Variants in CNOT2 observed in about 807,000 individuals in gnomAD.
CNOT2 encodes CCR4-NOT transcription complex subunit 2, also known as CC chemokine receptor 4-negative regulator of transcription 2.
In CNOT2, 7 loss-of-function variants were observed where a neutral mutation model predicts 72.1. The observed-to-expected ratio is 0.10, with a 90% CI of 0.06 to 0.18. CNOT2 has a LOEUF of 0.18. Among genes scored for constraint, CNOT2 ranks in the 10% least tolerant of loss-of-function variants. The pLI is 1.00. For synonymous variants in CNOT2, 196 were observed against 225.6 expected, an observed-to-expected ratio of 0.87 and a Z score of 1.17; for missense variants, 345 against 660.3, an observed-to-expected ratio of 0.52 and a Z score of 5.23.
At chr12:70,321,432 G>A (rs2135992238) in intron 4 of CNOT2, 1 of 152,000 alleles carries the variant, frequency 6.6e-6, no homozygotes, top group East Asian at 1.9e-4. Context: ...AAGCTACCAT[G>A]TGGGTCTTGA....
intron 2 of CNOT2, among the ~76,000 whole-genome samples, chr12:70,301,127 T>C (rs1348110849): frequency 6.6e-6 from 1 of 152,178 alleles, no homozygotes; most frequent in Admixed American, 6.5e-5. Context: ...TGGGCTGAGA[T>C]GCTGGAGTTT....
At chr12:70,262,488 G>A (rs895765965) in intron 1 of CNOT2, among the ~76,000 whole-genome samples, 3 of 152,092 alleles carry the variant, frequency 2.0e-5, no homozygotes, top group African/African-American at 4.8e-5. Context: ...TGTTAGCCAC[G>A]ATGGTCTCGA....
intron 1 of CNOT2, among the ~76,000 whole-genome samples, chr12:70,265,323 CTCTTT>C (rs1351844157): frequency 5.5e-5 from 8 of 145,102 alleles, no homozygotes; most frequent in African/African-American, 2.0e-4. Flanking sequence ...CTCTTCTCTT[CTCTTT>C]CTTTCTTTTT....
chr12:70,338,618 T>C, intron 10 of CNOT2, 48 bp from the exon 11 acceptor site: 1 of 1,596,824 alleles, frequency 6.3e-7, no homozygotes, highest in Non-Finnish European at 8.5e-7. Flanking sequence ...TTTTTCTATT[T>C]TTTAACTTTT....
At chr12:70,310,528 A>G (rs111442007) in intron 2 of CNOT2, among the ~76,000 whole-genome samples, 4 of 152,200 alleles carry the variant, frequency 2.6e-5, no homozygotes, top group African/African-American at 7.2e-5. Context: ...CAGATACACA[A>G]ATGTGGAAGA....
chr12:70,319,108 G>T, intron 3 of CNOT2, 190 bp from the exon 4 acceptor site: 1 of 423,562 alleles, frequency 2.4e-6, no homozygotes, highest in Non-Finnish European at 4.1e-6. Flanking sequence ...TCTACAGTTT[G>T]GTTTTATCGA....
intron 1 of CNOT2, among the ~76,000 whole-genome samples, chr12:70,254,476 G>A (rs186092383): frequency 9.9e-5 from 15 of 152,148 alleles, no homozygotes; most frequent in African/African-American, 3.1e-4. Flanking sequence ...AATTTAAAAC[G>A]TATGAATTAT....
chr12:70,280,928 T>C (rs1281067466), intron 2 of CNOT2, among the ~76,000 whole-genome samples: 5 of 152,158 alleles, frequency 3.3e-5, no homozygotes, highest in African/African-American at 1.2e-4. Flanking sequence ...GGTTCATTTT[T>C]GGATTGTCAA....
chr12:70,329,285 G>A (rs1413678636), intron 4 of CNOT2, 138 bp from the exon 5 acceptor site: 6 of 528,516 alleles, frequency 1.1e-5, no homozygotes, highest in East Asian at 2.9e-5. Context: ...TTTATTTGGA[G>A]TGAATCGAAT....
intron 14 of CNOT2, chr12:70,345,081 A>G (rs931920990): frequency 6.6e-6 from 1 of 152,186 alleles, no homozygotes; most frequent in South Asian, 2.1e-4. Flanking sequence ...ATGCTCTAAA[A>G]TTAAGTTTTC....
At chr12:70,302,620 A>T (rs1446143810) in intron 2 of CNOT2, among the ~76,000 whole-genome samples, 3 of 152,128 alleles carry the variant, frequency 2.0e-5, no homozygotes, top group Non-Finnish European at 4.4e-5. Flanking sequence ...TTTGCTGAGG[A>T]GTGCTTTACT....
intron 2 of CNOT2, among the ~76,000 whole-genome samples, chr12:70,283,137 G>T (rs1402110499): frequency 6.6e-6 from 1 of 151,932 alleles, no homozygotes. Flanking sequence ...TTGTTAAGTG[G>T]CACATTATTG....
intron 2 of CNOT2, among the ~76,000 whole-genome samples, chr12:70,306,043 T>C (rs938146996): frequency 6.6e-6 from 1 of 152,182 alleles, no homozygotes; most frequent in Non-Finnish European, 1.5e-5. Flanking sequence ...CCAACTTAAG[T>C]GGCTCCATTA....
chr12:70,319,454 G>C, intron 4 of CNOT2, 90 bp downstream of exon 4: 1 of 1,261,844 alleles, frequency 7.9e-7, no homozygotes, highest in African/African-American at 1.5e-5. Flanking sequence ...TTCCTTTGTG[G>C]GTTTATTGTA....
chr12:70,329,328 T>A (rs1165658525), intron 4 of CNOT2, 95 bp from the exon 5 acceptor site: 1 of 879,666 alleles, frequency 1.1e-6, no homozygotes, highest in African/African-American at 1.7e-5. Context: ...CTATGTTAGG[T>A]CATTAAAAGT....
chr12:70,247,638 T>C (rs1957942828), intron 1 of CNOT2, among the ~76,000 whole-genome samples: 1 of 152,238 alleles, frequency 6.6e-6, no homozygotes, highest in South Asian at 2.1e-4. Flanking sequence ...TGCTTTTTAC[T>C]CTTCAAACTT....
intron 1 of CNOT2, among the ~76,000 whole-genome samples, chr12:70,257,033 A>AT (rs143994372): frequency 3.5e-4 from 53 of 150,276 alleles, no homozygotes; most frequent in African/African-American, 1.1e-3. Flanking sequence ...TGAACATTTT[A>AT]TTTTTTTTTT....
intron 14 of CNOT2, chr12:70,345,181 T>C (rs1198037733): frequency 6.6e-6 from 1 of 152,218 alleles, no homozygotes; most frequent in Admixed American, 6.5e-5. Flanking sequence ...TAATTATTTA[T>C]GACCTTATGA....
chr12:70,255,336 A>T (rs1055381966), intron 1 of CNOT2, among the ~76,000 whole-genome samples: 1 of 152,230 alleles, frequency 6.6e-6, no homozygotes, highest in African/African-American at 2.4e-5. Flanking sequence ...TTTAATTTAT[A>T]GTTAGAGCAT....
Sources: allele counts gnomAD v4.1 joint callset (sites outside exome capture counted in the v4.1 genomes callset), GRCh38; gene constraint gnomAD v4.1.1; transcripts MANE v1.5; gene names NCBI Gene and HGNC (gene_info 2026-07-23, HGNC 2026-07-21).